Variants in GABRA2 observed in about 807,000 individuals in gnomAD.
The protein encoded by GABRA2 is gamma-aminobutyric acid type A receptor subunit alpha2, also known as gamma-aminobutyric acid receptor subunit alpha-2.
In GABRA2, 16 loss-of-function variants were observed where a neutral mutation model predicts 48.7. The ratio of observed to expected loss-of-function variants is 0.33; its 90% CI spans 0.22 to 0.50. GABRA2 has a LOEUF of 0.50. GABRA2 is among the 20% of genes least tolerant of loss of function. GABRA2 has a pLI of 0.98. For missense variants in GABRA2, 275 were observed against 535.6 expected (o/e 0.51, Z 4.80); for synonymous variants, 185 against 184.5 (o/e 1.00, Z -0.02).
chr4:46,336,159 G>A lies in GABRA2; in HGVS notation c.188-3477C>T, dbSNP rs566904049. Reference sequence around the variant, plus strand: ...GTCTATCACATGTTACATGCTGTATGTTTGAACAAATTATTTCTCATTTTA... The same window carrying A: ...GTCTATCACATGTTACATGCTGTATATTTGAACAAATTATTTCTCATTTTA... On this transcript the variant is annotated intron_variant, in intron 3 of 9. Coordinates refer to ENST00000381620, the MANE Select transcript of GABRA2 (RefSeq NM_000807.4). 2.2e-4 allele frequency among the ~76,000 whole-genome samples: 33 copies of A among 152,236 alleles called. No homozygotes were observed. In the Middle Eastern group the frequency reaches 0.014, roughly 63 times the overall value.
chr4:46,248,822 T>G lies in GABRA2; in HGVS notation c.*1486A>C, dbSNP rs1447711568. ...GTAAAGGTGCATGTTTTAGTAAAAGTCAACTAATAACTGCTAATGTACATG... is the reference window on the plus strand; with the variant it reads ...GTAAAGGTGCATGTTTTAGTAAAAGGCAACTAATAACTGCTAATGTACATG... On this transcript the variant is annotated 3_prime_UTR_variant, in exon 10 of 10. Coordinates refer to ENST00000381620, the MANE Select transcript of GABRA2 (RefSeq NM_000807.4). 1.3e-5 allele frequency: 2 copies of G among 151,588 alleles called. No individual in the cohort carries two copies. The highest frequency in any genetic ancestry group is 3.9e-4 in the East Asian group (2 of 5,126). 9.4% of individuals were successfully genotyped at this position (151,588 alleles called of 1,614,324 possible).
Position 46,305,348 on chromosome 4 carries a change from G to A in GABRA2, c.703+220C>T, listed in dbSNP as rs375743614. On this transcript the variant is annotated intron_variant, in intron 7 of 9. Transcript: ENST00000381620. ...TTGATGTGTGCAGCACACCAACATG[G>A]CACATGTATACATATGTAACTAACC... 2.9e-3 allele frequency among the ~76,000 whole-genome samples: 442 copies of A among 151,140 alleles called. 2 individuals carry two copies. Among genetic ancestry groups the A allele is most frequent in the Middle Eastern group, 0.024 (7 of 290 alleles).
intron 8 of GABRA2, among the ~76,000 whole-genome samples, chr4:46,263,062 C>A (rs1218979093): frequency 6.7e-6 from 1 of 150,062 alleles, no homozygotes; most frequent in Non-Finnish European, 1.5e-5. Flanking sequence ...GAATATAAGA[C>A]AAATACACAC....
At chr4:46,312,149 A>G (rs1046141872) in intron 5 of GABRA2, among the ~76,000 whole-genome samples, 2 of 152,154 alleles carry the variant, frequency 1.3e-5, no homozygotes, top group African/African-American at 4.8e-5. Context: ...AAAAATTTTG[A>G]TGGGATATCT....
At chr4:46,377,997 C>A (rs1351912859) in intron 3 of GABRA2, among the ~76,000 whole-genome samples, 7 of 150,900 alleles carry the variant, frequency 4.6e-5, no homozygotes, top group Admixed American at 6.6e-5. Flanking sequence ...GGGGGTCAGC[C>A]CCCCGCCCGG....
intron 3 of GABRA2, among the ~76,000 whole-genome samples, chr4:46,361,358 C>T (rs1217488072): frequency 6.6e-6 from 1 of 152,310 alleles, no homozygotes; most frequent in East Asian, 1.9e-4. Flanking sequence ...CAAGTTACAG[C>T]TCAGGCTGTT....
At chr4:46,262,350 C>T (rs1281907680) in intron 8 of GABRA2, among the ~76,000 whole-genome samples, 1 of 152,148 alleles carries the variant, frequency 6.6e-6, no homozygotes, top group South Asian at 2.1e-4. Context: ...AAAATACTTT[C>T]GGTTTCCATT....
At chr4:46,390,185 G>GCCCCCCCCCCCCCC (rs1293559874), upstream of GABRA2, 27 of 87,952 alleles carry the variant, frequency 3.1e-4, no homozygotes, top group African/African-American at 3.8e-4. Context: ...GGAAGGCAGG[G>GCCCCCCCCCCCCCC]CCCCCCCTCC....
At chr4:46,296,389 G>A (rs536140475) in intron 8 of GABRA2, among the ~76,000 whole-genome samples, 1 of 152,188 alleles carries the variant, frequency 6.6e-6, no homozygotes, top group East Asian at 1.9e-4. Context: ...ATTGCCACCT[G>A]GACACTTTGG....
chr4:46,259,164 A>T (rs545648073), intron 9 of GABRA2, among the ~76,000 whole-genome samples: 32 of 152,018 alleles, frequency 2.1e-4, no homozygotes, highest in South Asian at 1.5e-3. Context: ...AAGGAAAGAG[A>T]TCCAATCAAG....
intron 8 of GABRA2, among the ~76,000 whole-genome samples, chr4:46,275,481 G>A (rs113225881): frequency 2.0e-4 from 30 of 152,148 alleles, no homozygotes; most frequent in Non-Finnish European, 3.7e-4. Flanking sequence ...CAGGGGTATC[G>A]CTCCAGGATC....
intron 6 of GABRA2, among the ~76,000 whole-genome samples, chr4:46,308,094 C>G (rs895090531): frequency 6.6e-6 from 1 of 152,026 alleles, no homozygotes; most frequent in Non-Finnish European, 1.5e-5. Context: ...CCAACTGATT[C>G]TTAATATTTG....
intron 9 of GABRA2, 86 bp from the exon 10 acceptor site, chr4:46,250,690 G>C (rs916243795): frequency 1.3e-5 from 13 of 978,312 alleles, no homozygotes; most frequent in Middle Eastern, 2.4e-4. Context: ...TCTGAAGGAA[G>C]GTATCCTAAT....
rs1231066186 is a variant in GABRA2, at chr4:46,244,566, C to A, written c.*5742G>T. On this transcript the variant is annotated 3_prime_UTR_variant, in exon 10 of 10. Transcript: ENST00000381620. ...GCGTCATTCTATAAACGGTAACTTA[C>A]AACAAAATATTTGATGAAATCAATA... 2.6e-5 allele frequency among the ~76,000 whole-genome samples: 4 copies of A among 151,392 alleles called. No individual in the cohort carries two copies. Among genetic ancestry groups the A allele is most frequent in the Non-Finnish European group, 5.9e-5 (4 of 67,612 alleles).
At chr4:46,332,514 A>T (rs865891319) in intron 4 of GABRA2, 101 bp downstream of exon 4, 17 of 711,922 alleles carry the variant, frequency 2.4e-5, no homozygotes, top group Middle Eastern at 6.5e-4. Flanking sequence ...TAGACATGAG[A>T]CATATACATA....
chr4:46,277,091 T>C (rs200773748), intron 8 of GABRA2, among the ~76,000 whole-genome samples: 1 of 152,128 alleles, frequency 6.6e-6, no homozygotes, highest in Admixed American at 6.6e-5. Flanking sequence ...TGTGAATTAT[T>C]ATCACAATTC....
intron 4 of GABRA2, among the ~76,000 whole-genome samples, chr4:46,329,646 C>G (rs73812851): frequency 0.044 from 6,730 of 152,136 alleles, 505 homozygotes; most frequent in African/African-American, 0.15. Context: ...TTTCTTAATT[C>G]TCTATCACTT....
chr4:46,334,031 T>C (rs530695369), intron 3 of GABRA2, among the ~76,000 whole-genome samples: 7 of 152,280 alleles, frequency 4.6e-5, no homozygotes, highest in African/African-American at 1.7e-4. Flanking sequence ...TTAAGCTTTG[T>C]TGTATATACT....
At chr4:46,387,536 AG>A (rs1368606420) in intron 2 of GABRA2, among the ~76,000 whole-genome samples, 5 of 152,152 alleles carry the variant, frequency 3.3e-5, no homozygotes, top group African/African-American at 1.2e-4. Flanking sequence ...TAGCCTCAAA[AG>A]TTTCTGTATT....
Sources: allele counts gnomAD v4.1 joint callset (sites outside exome capture counted in the v4.1 genomes callset), GRCh38; gene constraint gnomAD v4.1.1; transcripts MANE v1.5; gene names NCBI Gene and HGNC (gene_info 2026-07-23, HGNC 2026-07-21).